The following MBTD1 variants were observed in gnomAD, a reference collection of about 807,000 sequenced individuals.
MBTD1 encodes MBT domain-containing protein 1.
MBTD1 carries 24 observed loss-of-function variants against 87.8 expected under a neutral mutation model. That is an observed-to-expected ratio of 0.27 (90% CI 0.20 to 0.38). The LOEUF is 0.38. MBTD1 is among the 10% of genes least tolerant of loss of function. MBTD1 has a pLI of 1.00. For synonymous variants in MBTD1, 237 were observed against 248.6 expected, an observed-to-expected ratio of 0.95 and a Z score of 0.44; for missense variants, 436 against 760.2, an observed-to-expected ratio of 0.57 and a Z score of 5.02.
At chr17:51,260,494 C>CGGGGCTTCGGCGGCGGCGGCCCGCGA, upstream of MBTD1, 1 of 1,402,240 alleles carries the variant, frequency 7.1e-7, no homozygotes. Flanking sequence ...TTCCGGCCCC[C>CGGGGCTTCGGCGGCGGCGGCCCGCGA]GGGGCTTCGG....
At chr17:51,187,053 A>G (rs2050570568) in intron 16 of MBTD1, among the ~76,000 whole-genome samples, 1 of 152,132 alleles carries the variant, frequency 6.6e-6, no homozygotes, top group African/African-American at 2.4e-5. Flanking sequence ...AGAAAACACA[A>G]TTCTTATTCT....
chr17:51,201,455 TCCTAGCAA>T, intron 12 of MBTD1, 129 bp downstream of exon 12: 1 of 506,594 alleles, frequency 2.0e-6, no homozygotes, highest in South Asian at 3.7e-5. Context: ...ATTTTGAAAT[TCCTAGCAA>T]CCTTCTCCCC....
At position 51,208,879 on chromosome 17, in the gene MBTD1, A is replaced by T. The variant is rs571700181; in HGVS notation, c.487-1874T>A. Among the ~76,000 whole-genome samples the T allele has an allele frequency of 1.8e-4, 28 of 152,354 alleles. No individual in the cohort carries two copies. The South Asian group carries it at 5.6e-3, about 30-fold the overall frequency. On this transcript the variant is annotated intron_variant, in intron 6 of 16. Transcript: ENST00000586178. ...AAAATGTCAATATGCTTGCTTAAAA[A>T]ATAATGTTCACTTTGGTGGAGGATA... is the stretch of plus-strand genomic sequence containing the variant.
intron 7 of MBTD1, among the ~76,000 whole-genome samples, chr17:51,206,679 G>A (rs571147793): frequency 6.6e-6 from 1 of 152,254 alleles, no homozygotes; most frequent in South Asian, 2.1e-4. Flanking sequence ...TATAATGATA[G>A]AGACGGATAG....
chr17:51,240,785 G>A (rs1435635326), intron 2 of MBTD1, among the ~76,000 whole-genome samples: 1 of 152,100 alleles, frequency 6.6e-6, no homozygotes, highest in Non-Finnish European at 1.5e-5. Context: ...CCCTTCTTGA[G>A]AGTGGAATGT....
intron 6 of MBTD1, among the ~76,000 whole-genome samples, chr17:51,209,059 C>T (rs1467722867): frequency 6.6e-6 from 1 of 152,182 alleles, no homozygotes; most frequent in Non-Finnish European, 1.5e-5. Context: ...AAAACATCAA[C>T]AAGAAAGAGC....
intron 1 of MBTD1, among the ~76,000 whole-genome samples, 155 bp downstream of exon 1, chr17:51,259,680 T>C (rs1329030246): frequency 7.4e-6 from 1 of 135,282 alleles, no homozygotes; most frequent in Non-Finnish European, 1.6e-5. Context: ...GTTTAACGGC[T>C]GGAAGGGGGA....
At chr17:51,237,113 A>G (rs1026713682) in intron 2 of MBTD1, among the ~76,000 whole-genome samples, 21 of 152,198 alleles carry the variant, frequency 1.4e-4, no homozygotes, top group African/African-American at 5.1e-4. Context: ...TCTGGCCAAC[A>G]TAATAAAACC....
intron 5 of MBTD1, among the ~76,000 whole-genome samples, 192 bp from the exon 6 acceptor site, chr17:51,217,608 G>A (rs1015455967): frequency 3.3e-5 from 5 of 152,018 alleles, no homozygotes; most frequent in African/African-American, 4.8e-5. Flanking sequence ...CAAACAAACA[G>A]GAGTTTCTTT....
intron 3 of MBTD1, among the ~76,000 whole-genome samples, 181 bp downstream of exon 3, chr17:51,224,827 C>A (rs975224320): frequency 1.3e-5 from 2 of 152,032 alleles, no homozygotes; most frequent in African/African-American, 4.8e-5. Context: ...TGCTTTCCAC[C>A]AGGAGGTAGG....
intron 5 of MBTD1, 57 bp from the exon 6 acceptor site, chr17:51,217,473 G>A (rs1176659652): frequency 4.5e-5 from 36 of 799,410 alleles, no homozygotes; most frequent in Non-Finnish European, 6.3e-5. Flanking sequence ...TTTATAAGAA[G>A]GTTATCATTG....
At chr17:51,258,037 C>A (rs549234841) in intron 2 of MBTD1, among the ~76,000 whole-genome samples, 75 of 146,638 alleles carry the variant, frequency 5.1e-4, no homozygotes, top group African/African-American at 1.7e-3. Context: ...CAGCTATTTT[C>A]TTTCTAAACA....
chr17:51,260,736 C>T (rs2055432212), upstream of MBTD1: 1 of 1,589,328 alleles, frequency 6.3e-7, no homozygotes, highest in Non-Finnish European at 8.6e-7. Context: ...CGGAAACCGC[C>T]GGCCCGGCCG....
chr17:51,207,997 A>G (rs2051947938), intron 6 of MBTD1, among the ~76,000 whole-genome samples: 1 of 152,220 alleles, frequency 6.6e-6, no homozygotes, highest in African/African-American at 2.4e-5. Flanking sequence ...AATCAGGAAA[A>G]ACCAAAATAG....
intron 2 of MBTD1, among the ~76,000 whole-genome samples, chr17:51,225,494 G>A (rs1299826767): frequency 6.6e-6 from 1 of 151,646 alleles, no homozygotes; most frequent in Non-Finnish European, 1.5e-5. Context: ...TGGGACTACA[G>A]GCAAGTGCCA....
At chr17:51,200,578 A>AG (rs2051407039) in intron 12 of MBTD1, among the ~76,000 whole-genome samples, 1 of 150,734 alleles carries the variant, frequency 6.6e-6, no homozygotes, top group Non-Finnish European at 1.5e-5. Flanking sequence ...AAAAAAAAAA[A>AG]AAATGCCACG....
At chr17:51,251,608 TCA>T (rs2054788493) in intron 2 of MBTD1, 1 of 152,212 alleles carries the variant, frequency 6.6e-6, no homozygotes, top group Non-Finnish European at 1.5e-5. Flanking sequence ...CTTCCCTCTC[TCA>T]CTCTTAACAC....
At chr17:51,259,702 GA>G in intron 1 of MBTD1, 132 bp downstream of exon 1, 1 of 800,462 alleles carries the variant, frequency 1.2e-6, no homozygotes, top group Non-Finnish European at 1.7e-6. Context: ...GGGGGCTCCG[GA>G]GGTTGAGAGG....
intron 6 of MBTD1, among the ~76,000 whole-genome samples, chr17:51,207,877 A>T (rs1278892563): frequency 6.6e-6 from 1 of 152,238 alleles, no homozygotes; most frequent in Non-Finnish European, 1.5e-5. Flanking sequence ...AATGCTGATA[A>T]CACTAAACAG....
Sources: gnomAD v4.1 joint callset for allele counts (sites outside exome capture counted in the v4.1 genomes callset) on GRCh38, gnomAD v4.1.1 for gene constraint, MANE v1.5 for transcripts, NCBI Gene and HGNC (gene_info 2026-07-23, HGNC 2026-07-21) for gene names.